SORCS2: variants seen among roughly 807,000 people sequenced by gnomAD.
The protein encoded by SORCS2 is sortilin related VPS10 domain containing receptor 2.
A neutral mutation model predicts 141.6 loss-of-function variants in SORCS2; 100 were observed. That is an observed-to-expected ratio of 0.71 (90% CI 0.60 to 0.83). The LOEUF is 0.83. Ranked by LOEUF, SORCS2 falls within the 40% of genes least tolerant of loss-of-function variation. SORCS2 has a pLI of 0.00. For missense variants in SORCS2, 1,646 were observed against 1,560.2 expected (o/e 1.05, Z -0.93); for synonymous variants, 789 against 676.9 (o/e 1.17, Z -2.57).
chr4:7,464,341 G>C (rs1220061845), intron 2 of SORCS2, among the ~76,000 whole-genome samples: 1 of 152,138 alleles, frequency 6.6e-6, no homozygotes, highest in Non-Finnish European at 1.5e-5. Flanking sequence ...AGTTCACCAG[G>C]GGGAAAAAGA....
chr4:7,228,330 G>T (rs1711567177), intron 1 of SORCS2, among the ~76,000 whole-genome samples: 1 of 152,190 alleles, frequency 6.6e-6, no homozygotes, highest in South Asian at 2.1e-4. Context: ...GGGGTGCAGG[G>T]TGTTAACTAG....
At chr4:7,269,009 C>T (rs1366716902) in intron 1 of SORCS2, among the ~76,000 whole-genome samples, 1 of 152,204 alleles carries the variant, frequency 6.6e-6, no homozygotes, top group Non-Finnish European at 1.5e-5. Flanking sequence ...TCTAGAAGCA[C>T]ATGGGCTGGG....
rs1166517647 is a variant in SORCS2, at chr4:7,573,784, TG to T, written c.648+42156del. ...GAGCCCCTGCCAGGCTACTCCCCTT[TG>T]TGCATCTTTAGGGTACACAGTGGAC... On this transcript the variant is annotated intron_variant, in intron 3 of 26. Coordinates refer to ENST00000507866, the MANE Select transcript of SORCS2 (RefSeq NM_020777.3). Among the ~76,000 whole-genome samples, 12 of 152,332 alleles carry T rather than the reference TG, an allele frequency of 7.9e-5. No individual in the cohort carries two copies. The East Asian group carries it at 2.1e-3, about 27-fold the overall frequency.
At chr4:7,399,949 T>TCAGATTC (rs1724466872) in intron 2 of SORCS2, among the ~76,000 whole-genome samples, 1 of 152,068 alleles carries the variant, frequency 6.6e-6, no homozygotes, top group Non-Finnish European at 1.5e-5. Flanking sequence ...GGACACATGG[T>TCAGATTC]CAGATTCCAC....
chr4:7,595,964 C>T (rs994464736), intron 3 of SORCS2, among the ~76,000 whole-genome samples: 2 of 152,198 alleles, frequency 1.3e-5, no homozygotes, highest in Non-Finnish European at 2.9e-5. Context: ...CTGACAGCTG[C>T]TCTTTCCCTT....
intron 1 of SORCS2, among the ~76,000 whole-genome samples, chr4:7,351,994 C>T (rs942817421): frequency 6.6e-6 from 1 of 152,166 alleles, no homozygotes; most frequent in African/African-American, 2.4e-5. Flanking sequence ...CATCCATCCA[C>T]CACTTACCCA....
chr4:7,438,360 T>C (rs1207865376), intron 2 of SORCS2, among the ~76,000 whole-genome samples: 1 of 152,234 alleles, frequency 6.6e-6, no homozygotes, highest in Non-Finnish European at 1.5e-5. Flanking sequence ...TGTTGATTTA[T>C]CAGCATGTGT....
chr4:7,555,056 CTGTCCACAAGG>C (rs1714008576), intron 3 of SORCS2, among the ~76,000 whole-genome samples: 1 of 151,980 alleles, frequency 6.6e-6, no homozygotes, highest in South Asian at 2.1e-4. Context: ...GGGAGCAGCA[CTGTCCACAAGG>C]TGTCCTTGTT....
intron 4 of SORCS2, among the ~76,000 whole-genome samples, chr4:7,651,994 T>C (rs1490114222): frequency 2.0e-5 from 3 of 152,210 alleles, no homozygotes; most frequent in Non-Finnish European, 4.4e-5. Context: ...CTGCTTCTGC[T>C]GTTTTCTCGG....
At chr4:7,667,827 C>G (rs1263205220) in intron 8 of SORCS2, among the ~76,000 whole-genome samples, 1 of 152,238 alleles carries the variant, frequency 6.6e-6, no homozygotes, top group Non-Finnish European at 1.5e-5. Context: ...TCTCTCCACC[C>G]TATTAATATA....
At chr4:7,342,032 A>C (rs909861019) in intron 1 of SORCS2, among the ~76,000 whole-genome samples, 50 of 152,354 alleles carry the variant, frequency 3.3e-4, no homozygotes, top group Non-Finnish European at 5.9e-4. Context: ...TCAATACCCC[A>C]TTCCTTTTTC....
chr4:7,259,755 G>T (rs1402559644), intron 1 of SORCS2, among the ~76,000 whole-genome samples: 4 of 152,222 alleles, frequency 2.6e-5, no homozygotes, highest in Non-Finnish European at 1.5e-5. Flanking sequence ...CACATCACAT[G>T]CCCTTGGGGT....
chr4:7,618,088 C>T (rs1718887643), intron 3 of SORCS2, among the ~76,000 whole-genome samples: 1 of 152,124 alleles, frequency 6.6e-6, no homozygotes, highest in Non-Finnish European at 1.5e-5. Context: ...CCATGACACC[C>T]CCTCGGAGGG....
At chr4:7,684,373 C>A (rs1041123838) in intron 10 of SORCS2, among the ~76,000 whole-genome samples, 1 of 152,198 alleles carries the variant, frequency 6.6e-6, no homozygotes, top group Admixed American at 6.5e-5. Context: ...AAGGAAGAGC[C>A]AATCCCTTCC....
At chr4:7,693,704 G>A (rs888162998) in intron 11 of SORCS2, among the ~76,000 whole-genome samples, 2 of 152,248 alleles carry the variant, frequency 1.3e-5, no homozygotes, top group African/African-American at 4.8e-5. Flanking sequence ...GGAGCTGGGA[G>A]CACCACAGCC....
intron 11 of SORCS2, among the ~76,000 whole-genome samples, chr4:7,693,224 C>T (rs537068817): frequency 6.8e-6 from 1 of 146,946 alleles, no homozygotes; most frequent in South Asian, 2.2e-4. Flanking sequence ...TTCATCCTTT[C>T]TTCCTTTCAA....
At chr4:7,538,523 T>A (rs949164083) in intron 3 of SORCS2, among the ~76,000 whole-genome samples, 4 of 152,198 alleles carry the variant, frequency 2.6e-5, no homozygotes, top group Non-Finnish European at 4.4e-5. Flanking sequence ...GTGTTTTATA[T>A]GAAAAATTTA....
chr4:7,313,757 C>T (rs531249104), intron 1 of SORCS2, among the ~76,000 whole-genome samples: 100 of 152,272 alleles, frequency 6.6e-4, no homozygotes, highest in African/African-American at 2.1e-3. Flanking sequence ...TGTTCAGAGA[C>T]GGGCTGGATG....
intron 1 of SORCS2, among the ~76,000 whole-genome samples, chr4:7,195,417 T>TGTCC: frequency 6.6e-6 from 1 of 152,194 alleles, no homozygotes; most frequent in Non-Finnish European, 1.5e-5. Flanking sequence ...TGGGTGTGGG[T>TGTCC]GTCCGTGGGG....
Sources: allele counts gnomAD v4.1 joint callset (sites outside exome capture counted in the v4.1 genomes callset), GRCh38; gene constraint gnomAD v4.1.1; transcripts MANE v1.5; gene names NCBI Gene and HGNC (gene_info 2026-07-23, HGNC 2026-07-21).